The following LRRC4C variants were observed in gnomAD, a reference collection of about 807,000 sequenced individuals.
LRRC4C encodes leucine rich repeat containing 4C.
A neutral mutation model predicts 33.6 loss-of-function variants in LRRC4C; 5 were observed. That is an observed-to-expected ratio of 0.15 (90% CI 0.08 to 0.31). The LOEUF is 0.31. Ranked by LOEUF, LRRC4C falls within the 10% of genes least tolerant of loss-of-function variation. The pLI is 1.00. For missense variants in LRRC4C, 560 were observed against 796.7 expected, an observed-to-expected ratio of 0.70 and a Z score of 3.58; for synonymous variants, 329 against 302.0, an observed-to-expected ratio of 1.09 and a Z score of -0.93.
intron 3 of LRRC4C, among the ~76,000 whole-genome samples, chr11:40,552,820 C>T (rs1957178068): frequency 6.6e-6 from 1 of 152,106 alleles, no homozygotes; most frequent in Non-Finnish European, 1.5e-5. Flanking sequence ...TAATCTATAA[C>T]ACCCACAATT....
chr11:41,384,500 C>T (rs1156590921), intron 1 of LRRC4C, among the ~76,000 whole-genome samples: 3 of 151,452 alleles, frequency 2.0e-5, no homozygotes, highest in Non-Finnish European at 4.4e-5. Flanking sequence ...AAAACTGTTA[C>T]AGTTAAAAAC....
At chr11:41,037,154 AC>A (rs34654853) in intron 1 of LRRC4C, among the ~76,000 whole-genome samples, 55,406 of 151,872 alleles carry the variant, frequency 0.36, 11,137 homozygotes, top group East Asian at 0.51. Context: ...CCCTTTCTGT[AC>A]AAGAGAAACA....
At chr11:41,126,340 G>A (rs902441740) in intron 1 of LRRC4C, among the ~76,000 whole-genome samples, 3 of 151,826 alleles carry the variant, frequency 2.0e-5, no homozygotes, top group Admixed American at 6.6e-5. Context: ...ATTTAAGGTG[G>A]TACCTAGTAA....
intron 2 of LRRC4C, among the ~76,000 whole-genome samples, chr11:40,901,194 A>G (rs1956180627): frequency 6.6e-6 from 1 of 152,140 alleles, no homozygotes; most frequent in South Asian, 2.1e-4. Flanking sequence ...TGCAGAAGCC[A>G]CAAATACACA....
chr11:40,962,442 T>C (rs1851041560), intron 1 of LRRC4C, among the ~76,000 whole-genome samples: 1 of 151,716 alleles, frequency 6.6e-6, no homozygotes. Context: ...ACAGCACTGC[T>C]GAAAAAGTTT....
At chr11:41,246,727 T>C (rs1427309462) in intron 1 of LRRC4C, among the ~76,000 whole-genome samples, 4 of 152,212 alleles carry the variant, frequency 2.6e-5, no homozygotes, top group South Asian at 2.1e-4. Flanking sequence ...TTTGTTGTTC[T>C]TGTTTTTAAT....
At chr11:41,020,977 G>C (rs1302393265) in intron 1 of LRRC4C, among the ~76,000 whole-genome samples, 1 of 152,068 alleles carries the variant, frequency 6.6e-6, no homozygotes, top group Non-Finnish European at 1.5e-5. Context: ...AGAATTCCTT[G>C]ATCTCCTGAA....
chr11:40,135,351 A>G (rs1217525401), intron 6 of LRRC4C, among the ~76,000 whole-genome samples: 1 of 152,296 alleles, frequency 6.6e-6, no homozygotes, highest in Non-Finnish European at 1.5e-5. Context: ...CACAATTCCT[A>G]TATTTGCTCT....
At chr11:41,264,498 C>T (rs1208666441) in intron 1 of LRRC4C, among the ~76,000 whole-genome samples, 1 of 152,020 alleles carries the variant, frequency 6.6e-6, no homozygotes, top group Non-Finnish European at 1.5e-5. Context: ...GCAATAAATA[C>T]CATTTTTCAG....
intron 6 of LRRC4C, among the ~76,000 whole-genome samples, chr11:40,135,777 A>C (rs1402762506): frequency 6.6e-6 from 1 of 152,226 alleles, no homozygotes. Flanking sequence ...GGGTGATAAT[A>C]ATGCAAGTTA....
At chr11:41,042,834 G>A (rs552025756) in intron 1 of LRRC4C, among the ~76,000 whole-genome samples, 3 of 151,680 alleles carry the variant, frequency 2.0e-5, no homozygotes, top group Non-Finnish European at 2.9e-5. Context: ...ACACTTCAAC[G>A]ACTGGCTGTA....
intron 4 of LRRC4C, among the ~76,000 whole-genome samples, chr11:40,299,906 A>C (rs772878992): frequency 3.0e-4 from 45 of 152,226 alleles, no homozygotes; most frequent in Non-Finnish European, 5.1e-4. Flanking sequence ...AGAGGATTTC[A>C]CAAATAGAAA....
rs1042758022 is a variant in LRRC4C, at chr11:41,054,919, C to T, written c.-495-121196G>A. The stretch of plus-strand genomic sequence containing the variant: ...CTTTATTTTTCAGTTTTCTGTACAC[C>T]GACTTGTATTGTAAATTTATTGACT... On this transcript the variant is annotated intron_variant, in intron 1 of 6. Coordinates refer to ENST00000528697, the MANE Select transcript of LRRC4C (RefSeq NM_001258419.2). 2.1e-4 allele frequency among the ~76,000 whole-genome samples: 32 copies of T among 152,052 alleles called. 2 individuals are homozygous for T. The highest frequency in any genetic ancestry group is 1.4e-3 in the Admixed American group (21 of 15,280).
intron 4 of LRRC4C, among the ~76,000 whole-genome samples, chr11:40,304,414 C>T (rs1944926885): frequency 6.6e-6 from 1 of 152,122 alleles, no homozygotes; most frequent in African/African-American, 2.4e-5. Flanking sequence ...TAATGGCACC[C>T]ACTGATTGAC....
intron 1 of LRRC4C, among the ~76,000 whole-genome samples, chr11:41,254,181 C>T (rs1406175458): frequency 6.6e-6 from 1 of 151,982 alleles, no homozygotes; most frequent in African/African-American, 2.4e-5. Context: ...TGGATTTGAA[C>T]ACATAAATGA....
chr11:40,518,676 G>A (rs1955674406), intron 3 of LRRC4C, among the ~76,000 whole-genome samples: 1 of 152,180 alleles, frequency 6.6e-6, no homozygotes, highest in Admixed American at 6.5e-5. Flanking sequence ...TTCAACCATT[G>A]TGGAAGACAG....
At chr11:40,185,593 G>A (rs189747843) in intron 5 of LRRC4C, among the ~76,000 whole-genome samples, 5 of 152,254 alleles carry the variant, frequency 3.3e-5, no homozygotes, top group South Asian at 2.1e-4. Context: ...TTTGTCAAGC[G>A]CCTCCAAAGT....
intron 1 of LRRC4C, among the ~76,000 whole-genome samples, chr11:41,174,974 A>T (rs1050526466): frequency 1.3e-5 from 2 of 151,896 alleles, no homozygotes; most frequent in African/African-American, 4.8e-5. Flanking sequence ...AATTAATTAA[A>T]TTAATTTAAT....
At chr11:40,518,854 T>C (rs1036315200) in intron 3 of LRRC4C, among the ~76,000 whole-genome samples, 1 of 152,134 alleles carries the variant, frequency 6.6e-6, no homozygotes, top group Non-Finnish European at 1.5e-5. Context: ...CAAATGTCCA[T>C]CAGTGATTGA....
Sources: allele counts gnomAD v4.1 joint callset (sites outside exome capture counted in the v4.1 genomes callset), GRCh38; gene constraint gnomAD v4.1.1; transcripts MANE v1.5; gene names NCBI Gene and HGNC (gene_info 2026-07-23, HGNC 2026-07-21).